The following INTS6 variants were observed in gnomAD, a reference collection of about 807,000 sequenced individuals.
INTS6 encodes the protein DEAD box protein.
In INTS6, 16 loss-of-function variants were observed where a neutral mutation model predicts 104.9. That is an observed-to-expected ratio of 0.15 (90% CI 0.10 to 0.23). The LOEUF is 0.23. Ranked by LOEUF, INTS6 falls within the 10% of genes least tolerant of loss-of-function variation. INTS6 has a pLI of 1.00. For missense variants in INTS6, 584 were observed against 1,062.8 expected, an observed-to-expected ratio of 0.55 and a Z score of 6.26; for synonymous variants, 324 against 358.7, an observed-to-expected ratio of 0.90 and a Z score of 1.09.
intron 4 of INTS6, among the ~76,000 whole-genome samples, chr13:51,395,773 T>C (rs988102136): frequency 6.6e-6 from 1 of 152,202 alleles, no homozygotes; most frequent in Non-Finnish European, 1.5e-5. Context: ...AAATAAATAA[T>C]TTCATTTAAT....
the INTS6 span, chr13:51,346,930 A>T: frequency 1.1e-6 from 1 of 880,744 alleles, no homozygotes; most frequent in South Asian, 1.5e-5. Context: ...GCATTTTCGC[A>T]TTTTAACTCT....
chr13:51,436,717 A>T (rs1400640064), intron 3 of INTS6: 1 of 152,226 alleles, frequency 6.6e-6, no homozygotes, highest in Non-Finnish European at 1.5e-5. Context: ...GACTAAGTAT[A>T]ACTACAAAAG....
chr13:51,445,976 T>G (rs1461708753), intron 3 of INTS6: 1 of 152,136 alleles, frequency 6.6e-6, no homozygotes, highest in East Asian at 1.9e-4. Context: ...GCTATAAAAC[T>G]CTTAAAACAC....
chr13:51,400,930 T>C (rs1278044494), intron 4 of INTS6, among the ~76,000 whole-genome samples: 1 of 152,166 alleles, frequency 6.6e-6, no homozygotes, highest in Non-Finnish European at 1.5e-5. Flanking sequence ...ACAAGGCAAA[T>C]ATGGCAGAAA....
At chr13:51,428,838 C>G (rs1957032131) in intron 4 of INTS6, among the ~76,000 whole-genome samples, 1 of 152,130 alleles carries the variant, frequency 6.6e-6, no homozygotes, top group Admixed American at 6.5e-5. Context: ...AGCTCTATCT[C>G]CATGAATTAT....
At chr13:51,426,302 A>G (rs184230043) in intron 4 of INTS6, among the ~76,000 whole-genome samples, 3 of 152,164 alleles carry the variant, frequency 2.0e-5, no homozygotes, top group Admixed American at 2.0e-4. Context: ...GGGCCTATAC[A>G]TACTTAGCCA....
intron 4 of INTS6, among the ~76,000 whole-genome samples, chr13:51,426,061 C>A (rs1291239728): frequency 3.9e-5 from 6 of 151,940 alleles, no homozygotes; most frequent in Non-Finnish European, 8.8e-5. Flanking sequence ...ACTAGAAATA[C>A]ATTCATGACA....
At chr13:51,432,286 A>G (rs144067276) in intron 3 of INTS6, among the ~76,000 whole-genome samples, 2 of 152,270 alleles carry the variant, frequency 1.3e-5, no homozygotes, top group East Asian at 1.9e-4. Flanking sequence ...CACAATTTGA[A>G]TACCACTTCC....
intron 15 of INTS6, among the ~76,000 whole-genome samples, chr13:51,372,058 A>G (rs1955817186): frequency 6.6e-6 from 1 of 152,180 alleles, no homozygotes; most frequent in Non-Finnish European, 1.5e-5. Context: ...CATCTCTGAT[A>G]TTAAAAACAA....
intron 5 of INTS6, among the ~76,000 whole-genome samples, chr13:51,393,166 C>T (rs2137958741): frequency 6.6e-6 from 1 of 151,864 alleles, no homozygotes; most frequent in Admixed American, 6.6e-5. Context: ...CAACTTCCAC[C>T]TCCTGCGCTC....
the INTS6 span, among the ~76,000 whole-genome samples, chr13:51,345,364 G>A: frequency 6.6e-6 from 1 of 152,136 alleles, no homozygotes; most frequent in African/African-American, 2.4e-5. Context: ...GGATGCCAAG[G>A]CGGGCAGATC....
intron 4 of INTS6, among the ~76,000 whole-genome samples, chr13:51,421,703 T>C (rs1956898607): frequency 1.3e-5 from 2 of 152,250 alleles, no homozygotes; most frequent in Admixed American, 6.5e-5. Context: ...GAAAACCACA[T>C]ACTCAACATT....
At chr13:51,428,482 G>A (rs906316371) in intron 4 of INTS6, among the ~76,000 whole-genome samples, 2 of 151,720 alleles carry the variant, frequency 1.3e-5, no homozygotes, top group African/African-American at 2.4e-5. Flanking sequence ...GCGCCACCAC[G>A]CCCAGCTAAT....
At chr13:51,403,527 A>G (rs1010875578) in intron 4 of INTS6, among the ~76,000 whole-genome samples, 1 of 144,052 alleles carries the variant, frequency 6.9e-6, no homozygotes, top group African/African-American at 2.6e-5. Flanking sequence ...GGTTGCAGTG[A>G]GCCCAGATCG....
chr13:51,395,439 G>C lies in INTS6; in HGVS notation c.474C>G (p.Thr158=). Residue 158 remains threonine, a synonymous_variant, in exon 5 of 18, where the codon ACC becomes ACG. Transcript: ENST00000311234. Reference sequence around the variant, plus strand: ...TCTGATCCCAACGAAAAGGTTCCTTGGTCAATTCACTTCCAGGCAAAGGAG... The same window carrying C: ...TCTGATCCCAACGAAAAGGTTCCTTCGTCAATTCACTTCCAGGCAAAGGAG... ...LNSPLPGSEL[T]KEPFRWDQRL... is the part of the protein sequence containing the mutation. 6.2e-7 allele frequency: 1 copy of C among 1,613,506 alleles called. No homozygotes were observed. Among genetic ancestry groups the C allele is most frequent in the Non-Finnish European group, 8.5e-7 (1 of 1,179,804 alleles).
intron 4 of INTS6, among the ~76,000 whole-genome samples, chr13:51,414,083 G>A (rs1316605233): frequency 1.3e-5 from 2 of 152,118 alleles, no homozygotes; most frequent in African/African-American, 2.4e-5. Context: ...TATGTTTTAG[G>A]TCATGCTTAT....
At position 51,374,784 on chromosome 13, in the gene INTS6, C is replaced by T. The variant is rs372618293; in HGVS notation, c.1742G>A (p.Ser581Asn). The change falls in exon 14 of 18, where the codon AGT becomes AAT. Residue 581 changes from serine to asparagine, a missense_variant. Coordinates refer to ENST00000311234, the MANE Select transcript of INTS6 (RefSeq NM_012141.3). ...LKGQDEDQVH[S>N]VPIAQMGNYQ... ...GTTCCCCATTTGTGCTATAGGAACA[C>T]TGTGCACTTGATCTTTCAAAAAGAA... 3 of 1,612,908 alleles carry T rather than the reference C, an allele frequency of 1.9e-6. No individual in the cohort carries two copies. The highest frequency in any genetic ancestry group is 2.5e-6 in the Non-Finnish European group (3 of 1,179,646).
chr13:51,394,101 A>G (rs1956292239), intron 5 of INTS6, among the ~76,000 whole-genome samples: 1 of 152,174 alleles, frequency 6.6e-6, no homozygotes, highest in Non-Finnish European at 1.5e-5. Context: ...TCATGAATAT[A>G]AATGTGCACC....
chr13:51,348,673 G>T, the INTS6 span: 2 of 250,946 alleles, frequency 8.0e-6, no homozygotes, highest in Non-Finnish European at 1.3e-5. Context: ...TGCCTTCACT[G>T]GGCTGGAATG....
Sources: allele counts gnomAD v4.1 joint callset (sites outside exome capture counted in the v4.1 genomes callset), GRCh38; gene constraint gnomAD v4.1.1; transcripts MANE v1.5; gene names NCBI Gene and HGNC (gene_info 2026-07-23, HGNC 2026-07-21).